NCOR1: variants seen among roughly 807,000 people sequenced by gnomAD.
NCOR1 encodes nuclear receptor corepressor 1.
In NCOR1, 63 loss-of-function variants were observed where a neutral mutation model predicts 288.1. The observed-to-expected ratio is 0.22, with a 90% confidence interval of 0.18 to 0.27. NCOR1 has a LOEUF of 0.27. Among genes scored for constraint, NCOR1 ranks in the 10% least tolerant of loss-of-function variants. NCOR1 has a pLI of 1.00. For missense variants in NCOR1, 2,397 were observed against 3,019.2 expected, an observed-to-expected ratio of 0.79 and a Z score of 4.83; for synonymous variants, 1,007 against 1,065.9, an observed-to-expected ratio of 0.94 and a Z score of 1.08.
At chr17:16,059,156 G>C (rs2060280576) in intron 37 of NCOR1, among the ~76,000 whole-genome samples, 1 of 151,630 alleles carries the variant, frequency 6.6e-6, no homozygotes, top group African/African-American at 2.4e-5. Flanking sequence ...CTGGGAGCTG[G>C]AAAAGAAATC....
At chr17:16,207,343 G>A (rs2091632144) in intron 1 of NCOR1, among the ~76,000 whole-genome samples, 1 of 152,146 alleles carries the variant, frequency 6.6e-6, no homozygotes, top group African/African-American at 2.4e-5. Flanking sequence ...CAGTGATAAT[G>A]GCAAGAAGAA....
chr17:16,098,994 G>A (rs2067136385), intron 20 of NCOR1, among the ~76,000 whole-genome samples: 1 of 152,176 alleles, frequency 6.6e-6, no homozygotes, highest in Non-Finnish European at 1.5e-5. Flanking sequence ...GGATCACAGA[G>A]TATTTTTTTA....
chr17:16,155,367 A>T (rs1290823089), intron 6 of NCOR1, among the ~76,000 whole-genome samples: 1 of 138,320 alleles, frequency 7.2e-6, no homozygotes, highest in East Asian at 2.2e-4. Flanking sequence ...AAAAAAAAAA[A>T]AATACACACA....
intron 22 of NCOR1, among the ~76,000 whole-genome samples, chr17:16,090,772 A>G (rs1410625084): frequency 6.6e-6 from 1 of 152,218 alleles, no homozygotes; most frequent in Admixed American, 6.5e-5. Flanking sequence ...TAGGCAACTA[A>G]TAACTCAATA....
chr17:16,170,107 C>CTGTGTG (rs61345864), intron 4 of NCOR1, among the ~76,000 whole-genome samples: 4,648 of 147,644 alleles, frequency 0.031, 92 homozygotes, highest in Middle Eastern at 0.056. Flanking sequence ...TATTTGCTTT[C>CTGTGTG]TGTGTGTGTG....
chr17:16,179,749 C>A (rs1438585835), intron 3 of NCOR1, among the ~76,000 whole-genome samples: 2 of 152,144 alleles, frequency 1.3e-5, no homozygotes, highest in Admixed American at 6.5e-5. Flanking sequence ...GGCGTGGTGG[C>A]TCACGCCTGT....
At chr17:16,194,170 A>G (rs1050070451) in intron 2 of NCOR1, among the ~76,000 whole-genome samples, 2 of 152,204 alleles carry the variant, frequency 1.3e-5, no homozygotes, top group Non-Finnish European at 2.9e-5. Context: ...ACTTGGGAGT[A>G]TAAATATAGG....
At chr17:16,084,565 G>T (rs1361357947) in intron 23 of NCOR1, among the ~76,000 whole-genome samples, 2 of 152,102 alleles carry the variant, frequency 1.3e-5, no homozygotes, top group African/African-American at 4.8e-5. Flanking sequence ...ATGATTTCAG[G>T]ACTTACAATA....
At chr17:16,118,081 A>G in intron 17 of NCOR1, 54 bp from the exon 18 acceptor site, 1 of 1,548,920 alleles carries the variant, frequency 6.5e-7, no homozygotes. Context: ...GATCAAGCAA[A>G]CAAGAGAAAT....
chr17:16,032,145 C>G lies in NCOR1; in HGVS notation c.*151G>C, dbSNP rs895049843. On this transcript the variant is annotated 3_prime_UTR_variant, in exon 46 of 46. Coordinates refer to ENST00000268712, the MANE Select transcript of NCOR1 (RefSeq NM_006311.4). ...CCCATTTGACTCTCCAAATGAACTT[C>G]CATCATTTCTTCATCATCTGTGGGC... The G allele has an allele frequency of 3.9e-6, 3 of 767,936 alleles. No homozygotes were observed. In the African/African-American group the frequency reaches 5.5e-5, roughly 14 times the overall value. The allele number at this position is 767,936 out of a possible 1,614,324, so 47.6% of individuals were successfully genotyped here. A position where few individuals can be genotyped will look rare whatever the true frequency, so the allele number is the denominator to read the frequency against.
At chr17:16,080,542 A>C (rs969311641) in intron 24 of NCOR1, 33 bp from the exon 25 acceptor site, 8 of 1,614,086 alleles carry the variant, frequency 5.0e-6, no homozygotes, top group Non-Finnish European at 6.8e-6. Context: ...GAAACAATCC[A>C]GTACTAAATT....
rs2067644474 is a variant in NCOR1 at position 16,101,620 on chromosome 17, G to A, written c.2320C>T (p.Pro774Ser). 1 of 1,614,156 alleles carries A rather than the reference G, an allele frequency of 6.2e-7. No individual in the cohort carries two copies. The highest frequency in any genetic ancestry group is 8.5e-7 in the Non-Finnish European group (1 of 1,180,032). The part of the protein sequence containing the change: ...SPSLAVPSTK[P>S]AEDESVETQV... ...GTCTCCACACTTTCATCTTCAGCTGGTTTTGTACTTGGAACTGCTAAGGAG... is the reference window on the plus strand; with the variant it reads ...GTCTCCACACTTTCATCTTCAGCTGATTTTGTACTTGGAACTGCTAAGGAG... The change falls in exon 20 of 46, where the codon CCA becomes TCA. Residue 774 changes from proline (P) to serine (S), a missense_variant. This residue lies in a region of NCOR1 where 1,872 missense variants were observed against 2,187.8 expected (regional missense o/e 0.86). Coordinates refer to ENST00000268712, the MANE Select transcript of NCOR1 (RefSeq NM_006311.4).
chr17:16,187,510 A>T (rs938328571), intron 2 of NCOR1, among the ~76,000 whole-genome samples: 1 of 150,996 alleles, frequency 6.6e-6, no homozygotes, highest in Non-Finnish European at 1.5e-5. Context: ...GCTAGAACAC[A>T]GACAAACATA....
intron 4 of NCOR1, among the ~76,000 whole-genome samples, chr17:16,170,886 A>G (rs995317962): frequency 1.3e-5 from 2 of 151,880 alleles, no homozygotes; most frequent in Non-Finnish European, 2.9e-5. Context: ...TAAAACAAGG[A>G]CATACTACAT....
chr17:16,174,584 A>T (rs894328647), intron 3 of NCOR1, among the ~76,000 whole-genome samples: 8 of 152,220 alleles, frequency 5.3e-5, no homozygotes, highest in Non-Finnish European at 1.2e-4. Context: ...TCTATCTAGA[A>T]ATCAGACTAC....
Position 16,032,487 on chromosome 17 carries a change from A to C in NCOR1, c.7136-4T>G, listed in dbSNP as rs750314034. The stretch of plus-strand genomic sequence containing the variant: ...TTATAAGGAAACTGAGTTGAGCCTG[A>C]CAAAAGAAAAATTAGGTTTTCATTG... On this transcript the variant is annotated splice_region_variant and splice_polypyrimidine_tract_variant and intron_variant, in intron 45 of 45. Coordinates refer to ENST00000268712, the MANE Select transcript of NCOR1 (RefSeq NM_006311.4). The C allele has an allele frequency of 1.9e-6, 3 of 1,560,516 alleles. No individual in the cohort carries two copies. The East Asian group carries it at 7.0e-5, about 37-fold the overall frequency.
chr17:16,173,908 G>T (rs1212948078), intron 3 of NCOR1, among the ~76,000 whole-genome samples: 1 of 151,504 alleles, frequency 6.6e-6, no homozygotes, highest in Non-Finnish European at 1.5e-5. Flanking sequence ...TCCTGCAGGG[G>T]CAACAAGAGC....
rs1287843751 is a variant in NCOR1, at chr17:16,186,592, T to A, written c.204A>T (p.Arg68=). Residue 68 remains arginine, a synonymous_variant, in exon 3 of 46, where the codon CGA becomes CGT. Transcript: ENST00000268712. The part of the protein sequence containing the change: ...QQQQQQQLRR[R]PSLLSEFHPG... ...GGTGAAATTCTGAAAGCAAGGAAGG[T>A]CGCCTTCGAAGCTGTTGCTGCTGCT... The A allele has an allele frequency of 1.9e-6, 3 of 1,614,080 alleles. No homozygotes were observed. The highest frequency in any genetic ancestry group is 4.5e-5 in the East Asian group (2 of 44,874).
At chr17:16,193,201 A>ATG (rs1450783664) in intron 2 of NCOR1, among the ~76,000 whole-genome samples, 1 of 152,138 alleles carries the variant, frequency 6.6e-6, no homozygotes, top group Non-Finnish European at 1.5e-5. Flanking sequence ...ATATAGATAT[A>ATG]TGTGTATATA....
Sources: allele counts gnomAD v4.1 joint callset (sites outside exome capture counted in the v4.1 genomes callset), GRCh38; gene constraint gnomAD v4.1.1; regional missense constraint gnomAD v4.1.1; transcripts MANE v1.5; gene names NCBI Gene and HGNC (gene_info 2026-07-23, HGNC 2026-07-21).